The following MICU1 variants were observed in gnomAD, a reference collection of about 807,000 sequenced individuals.
The protein encoded by MICU1 is calcium uptake protein 1, mitochondrial.
A neutral mutation model predicts 56.8 loss-of-function variants in MICU1; 45 were observed. That is an observed-to-expected ratio of 0.79 (90% CI 0.62 to 1.02). The LOEUF is 1.02. Ranked by LOEUF, MICU1 falls within the 50% of genes least tolerant of loss-of-function variation. The pLI is 0.00. For missense variants in MICU1, 504 were observed against 587.1 expected (o/e 0.86, Z 1.46); for synonymous variants, 186 against 195.1 (o/e 0.95, Z 0.39).
At position 72,508,260 on chromosome 10, in the gene MICU1, G is replaced by A. The variant is rs777327250; in HGVS notation, c.547C>T (p.Gln183Ter). The A allele has an allele frequency of 2.9e-5, 43 of 1,497,540 alleles. No homozygotes were observed. In the Middle Eastern group the frequency reaches 8.9e-4, roughly 31 times the overall value. The allele number at this position is 1,497,540 out of a possible 1,614,324, so 92.8% of individuals were successfully genotyped here. ...TCATCAGCAAATTTTTCTCGTTCCT[G>A]GGAAATTTTCTATAGAATGTATGGG... ...IKRFDGKKIS[Q>*]EREKFADEGS... Residue 183 changes from glutamine (Q) to a stop codon, truncating the protein, a stop_gained, in exon 6 of 12, where the codon CAG (glutamine) becomes TAG (stop). Coordinates refer to ENST00000361114, the MANE Select transcript of MICU1 (RefSeq NM_001195518.2). LOFTEE classifies it high-confidence loss of function.
chr10:72,471,584 G>GT (rs11447842), intron 8 of MICU1, among the ~76,000 whole-genome samples: 69,173 of 151,588 alleles, frequency 0.46, 19,916 homozygotes, highest in Non-Finnish European at 0.67. Context: ...TGTTTTTATT[G>GT]TTTTTTTTAA....
At chr10:72,611,232 G>A (rs1164674964) in intron 1 of MICU1, among the ~76,000 whole-genome samples, 1 of 151,784 alleles carries the variant, frequency 6.6e-6, no homozygotes, top group East Asian at 1.9e-4. Flanking sequence ...GAACCCGAGA[G>A]GCGGAGTTTG....
chr10:72,424,977 A>G (rs1456575210), intron 8 of MICU1, among the ~76,000 whole-genome samples: 1 of 152,226 alleles, frequency 6.6e-6, no homozygotes, highest in Non-Finnish European at 1.5e-5. Flanking sequence ...CTTTCTATAG[A>G]GCTGATAAAT....
chr10:72,513,079 G>T (rs977147937), intron 5 of MICU1, among the ~76,000 whole-genome samples: 4 of 151,936 alleles, frequency 2.6e-5, no homozygotes, highest in African/African-American at 9.7e-5. Context: ...TCATGGATCT[G>T]GGCTGCATCC....
chr10:72,403,276 T>A (rs1476420361), intron 10 of MICU1, among the ~76,000 whole-genome samples: 1 of 151,846 alleles, frequency 6.6e-6, no homozygotes, highest in African/African-American at 2.4e-5. Flanking sequence ...GAGAACTGCT[T>A]GAATCTGGGA....
intron 5 of MICU1, among the ~76,000 whole-genome samples, chr10:72,512,151 C>T (rs973084800): frequency 6.7e-5 from 7 of 104,384 alleles, no homozygotes; most frequent in Admixed American, 1.4e-4. Context: ...CTCGTTTTGT[C>T]GCCAGGCTGG....
intron 8 of MICU1, among the ~76,000 whole-genome samples, chr10:72,456,849 T>TTG (rs56262647): frequency 0.063 from 8,357 of 132,588 alleles, 276 homozygotes; most frequent in East Asian, 0.12. Context: ...CGGGCTCATT[T>TTG]TGTGTGTGTG....
In MICU1 at chr10:72,623,264, T is replaced by G. The variant is rs1179103810; in HGVS notation, c.-2+2746A>C. 8.1e-5 allele frequency among the ~76,000 whole-genome samples: 9 copies of G among 110,956 alleles called. 1 individual carries two copies. In the Admixed American group the frequency reaches 8.2e-4, roughly 10 times the overall value. The allele number at this position is 110,956 out of a possible 152,430, so 72.8% of individuals were successfully genotyped here. ...GTAGCCTTGGCAACGAGAGTGAAAC[T>G]CTGTCAAAAAGACAAGACAGAGCGA... is the stretch of plus-strand genomic sequence containing the variant. On this transcript the variant is annotated intron_variant, in intron 1 of 11. Coordinates refer to ENST00000361114, the MANE Select transcript of MICU1 (RefSeq NM_001195518.2).
At chr10:72,617,682 A>G (rs1163476154) in intron 1 of MICU1, among the ~76,000 whole-genome samples, 1 of 152,178 alleles carries the variant, frequency 6.6e-6, no homozygotes, top group Non-Finnish European at 1.5e-5. Context: ...AAAGTTAAAA[A>G]TTAGCCAAGT....
intron 8 of MICU1, among the ~76,000 whole-genome samples, chr10:72,452,626 T>C (rs1159358425): frequency 6.6e-6 from 1 of 152,202 alleles, no homozygotes; most frequent in Non-Finnish European, 1.5e-5. Flanking sequence ...TTCAGTACAG[T>C]AACATACTTG....
chr10:72,422,046 C>G (rs1589199188), intron 9 of MICU1, among the ~76,000 whole-genome samples: 1 of 152,146 alleles, frequency 6.6e-6, no homozygotes, highest in Non-Finnish European at 1.5e-5. Context: ...CACCCCCTAC[C>G]CCATTCATAT....
At chr10:72,596,887 A>G (rs570786797) in intron 1 of MICU1, among the ~76,000 whole-genome samples, 1 of 151,652 alleles carries the variant, frequency 6.6e-6, no homozygotes, top group South Asian at 2.1e-4. Flanking sequence ...AAAAAAAAAA[A>G]CCAACATGAA....
chr10:72,381,184 G>A (rs982754205), intron 10 of MICU1, among the ~76,000 whole-genome samples: 22 of 152,296 alleles, frequency 1.4e-4, no homozygotes, highest in African/African-American at 5.3e-4. Context: ...TGGAAAGGTG[G>A]TATGACAAGT....
chr10:72,407,046 A>G (rs1233757585), intron 10 of MICU1, among the ~76,000 whole-genome samples: 1 of 152,222 alleles, frequency 6.6e-6, no homozygotes, highest in East Asian at 1.9e-4. Flanking sequence ...ATATAATTCC[A>G]ATGTATGAAG....
chr10:72,503,587 T>C (rs1049280469), intron 6 of MICU1, among the ~76,000 whole-genome samples: 1 of 152,164 alleles, frequency 6.6e-6, no homozygotes, highest in East Asian at 1.9e-4. Flanking sequence ...TAAAGGCATG[T>C]TATAATCAAA....
At chr10:72,621,768 A>G (rs1172901116) in intron 1 of MICU1, among the ~76,000 whole-genome samples, 1 of 152,228 alleles carries the variant, frequency 6.6e-6, no homozygotes, top group African/African-American at 2.4e-5. Flanking sequence ...TAAACATGTA[A>G]TAACAGTACA....
At chr10:72,508,340 G>A in intron 5 of MICU1, 71 bp from the exon 6 acceptor site, 2 of 594,732 alleles carry the variant, frequency 3.4e-6, no homozygotes, top group South Asian at 3.6e-5. Context: ...AGTAAGAGAT[G>A]AATCACCATT....
chr10:72,506,153 A>C (rs1405694271), intron 6 of MICU1, among the ~76,000 whole-genome samples: 1 of 152,158 alleles, frequency 6.6e-6, no homozygotes, highest in African/African-American at 2.4e-5. Flanking sequence ...CCATAAAGTA[A>C]ATGTGCTGGG....
chr10:72,586,270 C>T (rs1017957605), intron 1 of MICU1, among the ~76,000 whole-genome samples: 1 of 151,822 alleles, frequency 6.6e-6, no homozygotes, highest in Non-Finnish European at 1.5e-5. Context: ...CCTTAGCCTC[C>T]CAAAGTTCTG....
Sources: gnomAD v4.1 joint callset for allele counts (sites outside exome capture counted in the v4.1 genomes callset) on GRCh38, gnomAD v4.1.1 for gene constraint, MANE v1.5 for transcripts, NCBI Gene and HGNC (gene_info 2026-07-23, HGNC 2026-07-21) for gene names.